SATB1: variants seen among roughly 807,000 people sequenced by gnomAD.
SATB1 encodes DNA-binding protein SATB1.
SATB1 carries 11 observed loss-of-function variants against 86.9 expected under a neutral mutation model. That is an observed-to-expected ratio of 0.13 (90% CI 0.08 to 0.21). The LOEUF (loss-of-function observed/expected upper bound fraction) is 0.21. Among genes scored for constraint, SATB1 ranks in the 10% least tolerant of loss-of-function variants. The probability of loss-of-function intolerance (pLI) is 1.00; values close to 1 mark genes in which losing one functional copy is unlikely to be tolerated. For missense variants in SATB1, 551 were observed against 937.6 expected (o/e 0.59, Z 5.39); for synonymous variants, 357 against 357.2 (o/e 1.00, Z 0.01).
chr3:18,362,859 G>T (rs1486016380), intron 9 of SATB1, among the ~76,000 whole-genome samples: 2 of 1,884 alleles, frequency 1.1e-3, no homozygotes, highest in Non-Finnish European at 3.0e-3. Context: ...TATGCCATGT[G>T]CAAAAAAAAA....
intron 9 of SATB1, among the ~76,000 whole-genome samples, chr3:18,353,946 G>A (rs1362296881): frequency 6.6e-6 from 1 of 152,160 alleles, no homozygotes; most frequent in Admixed American, 6.5e-5. Context: ...AAGACAGCAG[G>A]CAGTAAACTG....
chr3:18,361,050 G>GGGCT (rs1219345525), intron 9 of SATB1, among the ~76,000 whole-genome samples: 1 of 151,936 alleles, frequency 6.6e-6, no homozygotes, highest in Non-Finnish European at 1.5e-5. Flanking sequence ...AATTAGCAGG[G>GGGCT]GGCTGGGAAA....
Position 18,351,993 on chromosome 3 carries a change from T to A in SATB1, c.1778A>T (p.Gln593Leu). The A allele has an allele frequency of 6.2e-7, 1 of 1,614,200 alleles. No homozygotes were observed. Among genetic ancestry groups the A allele is most frequent in the South Asian group, 1.1e-5 (1 of 91,080 alleles). The change falls in exon 10 of 11, where the codon CAG (glutamine) becomes CTG (leucine). Residue 593 changes from glutamine to leucine, a missense_variant and splice_region_variant. Gln to Leu is a moderately radical substitution (Grantham distance 113). Transcript: ENST00000338745. Reference protein sequence around the residue: ...HIIHVPAEQIQQQQQQQQQQQ... With the variant: ...HIIHVPAEQILQQQQQQQQQQ... ...CTGAATTGGCCAAAGTAAACGAACC[T>A]GAATCTGCTCTGCTGGAACATGGAT... is the stretch of plus-strand genomic sequence containing the variant.
Position 18,425,001 on chromosome 3 carries a change from C to T in SATB1, c.-1399G>A, listed in dbSNP as rs1000372308. The stretch of plus-strand genomic sequence containing the variant: ...GGGCTGCTTCTCTCGCTCTCTCCCT[C>T]GCTAGCTCTACCCCTCGCTGCCGTC... On this transcript the variant is annotated 5_prime_UTR_variant, in exon 1 of 11. Transcript: ENST00000338745. 1.9e-4 allele frequency: 30 copies of T among 156,192 alleles called. No homozygotes were observed. Among genetic ancestry groups the T allele is most frequent in the African/African-American group, 6.5e-4 (27 of 41,630 alleles). The allele number at this position is 156,192 out of a possible 1,614,324, so 9.7% of individuals were successfully genotyped here.
chr3:18,443,412 G>GT (rs1200621294), upstream of SATB1, among the ~76,000 whole-genome samples: 2 of 152,214 alleles, frequency 1.3e-5, no homozygotes, highest in Non-Finnish European at 1.5e-5. This position sits in a 1 kb window ranked among gnomAD's most constrained non-coding sequence, Gnocchi z 4.4. Context: ...ACATTTGCTT[G>GT]TAAGTCCGGA....
chr3:18,377,620 G>A (rs966360323), intron 9 of SATB1, among the ~76,000 whole-genome samples: 1 of 152,044 alleles, frequency 6.6e-6, no homozygotes. Context: ...ATACTCTACA[G>A]AAAAATTAAA....
Position 18,352,138 on chromosome 3 carries a change from G to A in SATB1, c.1633C>T (p.Leu545=). ...KEDPSPENRT[L]WENLSMIRRF... is the part of the protein sequence containing the mutation. ...CGGATCATGGAGAGGTTCTCCCACA[G>A]GGTTCTGTTTTCTGGAGAAGGATCT... Residue 545 remains leucine, a synonymous_variant, in exon 10 of 11, where the codon CTG becomes TTG. Transcript: ENST00000338745. The surrounding 1 kb of genome is among the most constrained non-coding windows in gnomAD (Gnocchi z 4.1). 4 of 1,614,184 alleles carry A rather than the reference G, an allele frequency of 2.5e-6. No individual in the cohort carries two copies. The highest frequency in any genetic ancestry group is 3.4e-6 in the Non-Finnish European group (4 of 1,180,036).
At chr3:18,366,242 C>T (rs1444932747) in intron 9 of SATB1, among the ~76,000 whole-genome samples, 2 of 148,338 alleles carry the variant, frequency 1.3e-5, no homozygotes, top group Non-Finnish European at 2.9e-5. Context: ...AAATGGATTT[C>T]AAGGTATTCT....
intron 2 of SATB1, among the ~76,000 whole-genome samples, chr3:18,431,351 A>G (rs777356298): frequency 2.0e-5 from 3 of 152,136 alleles, no homozygotes; most frequent in Non-Finnish European, 4.4e-5. Context: ...ATGCTCCATC[A>G]CACTGCCTGA....
intron 8 of SATB1, among the ~76,000 whole-genome samples, chr3:18,378,587 C>T (rs1695881446): frequency 1.3e-5 from 2 of 152,298 alleles, no homozygotes; most frequent in South Asian, 4.1e-4. Flanking sequence ...AGTAAGTTTT[C>T]TGGAAAACGA....
intron 10 of SATB1, chr3:18,351,327 C>A (rs116044839): frequency 6.5e-7 from 1 of 1,547,344 alleles, no homozygotes; most frequent in Non-Finnish European, 8.7e-7. Context: ...GGAGCAGCAC[C>A]GAGCCATGGT....
intron 9 of SATB1, among the ~76,000 whole-genome samples, chr3:18,367,977 C>T (rs1695270568): frequency 6.6e-6 from 1 of 152,164 alleles, no homozygotes; most frequent in Non-Finnish European, 1.5e-5. Context: ...GTACAAAAAA[C>T]TTCAGGGTTA....
intron 5 of SATB1, among the ~76,000 whole-genome samples, chr3:18,400,374 A>C (rs1004158459): frequency 1.4e-4 from 22 of 152,206 alleles, no homozygotes; most frequent in African/African-American, 5.3e-4. Context: ...ATAAACATAT[A>C]TTCAAGTGAG....
chr3:18,360,238 T>C (rs945736045), intron 9 of SATB1, among the ~76,000 whole-genome samples: 9 of 152,130 alleles, frequency 5.9e-5, no homozygotes, highest in Admixed American at 5.2e-4. Flanking sequence ...TTGAATCCTC[T>C]TAACCATGTT....
chr3:18,404,893 C>T (rs1430467655), intron 5 of SATB1, among the ~76,000 whole-genome samples: 2 of 151,946 alleles, frequency 1.3e-5, no homozygotes, highest in African/African-American at 4.8e-5. Context: ...TAACTGCACA[C>T]AGAAGCTGTA....
intron 9 of SATB1, among the ~76,000 whole-genome samples, chr3:18,366,662 T>A (rs1007338314): frequency 6.6e-6 from 1 of 152,160 alleles, no homozygotes; most frequent in African/African-American, 2.4e-5. Context: ...ACTGTACTGA[T>A]GCTGCTAGGT....
chr3:18,429,096 G>A (rs994614039), upstream of SATB1, among the ~76,000 whole-genome samples: 5 of 151,702 alleles, frequency 3.3e-5, no homozygotes, highest in East Asian at 1.9e-4. This position sits in a 1 kb window ranked among gnomAD's most constrained non-coding sequence, Gnocchi z 4.1. Flanking sequence ...TCTTTTTGTC[G>A]TGTCAACTCT....
chr3:18,443,301 G>C (rs1356492993), upstream of SATB1, among the ~76,000 whole-genome samples: 2 of 152,192 alleles, frequency 1.3e-5, no homozygotes, highest in Non-Finnish European at 2.9e-5. The surrounding 1 kb of genome is among the most constrained non-coding windows in gnomAD (Gnocchi z 4.4). Flanking sequence ...ATGCAAACAT[G>C]GAAACCCAGT....
intron 5 of SATB1, among the ~76,000 whole-genome samples, chr3:18,401,800 T>C (rs751867202): frequency 5.9e-5 from 9 of 152,140 alleles, no homozygotes; most frequent in South Asian, 2.1e-4. Context: ...ATAAAGCACA[T>C]GTCTACTCCC....
Sources: allele counts gnomAD v4.1 joint callset (sites outside exome capture counted in the v4.1 genomes callset), GRCh38; gene constraint gnomAD v4.1.1; non-coding constraint Gnocchi (gnomAD v3.1); transcripts MANE v1.5; gene names NCBI Gene and HGNC (gene_info 2026-07-23, HGNC 2026-07-21).